SEPTIN2: variants seen among roughly 807,000 people sequenced by gnomAD.
SEPTIN2 encodes septin-2.
Under a neutral mutation model 46.5 loss-of-function variants are expected in SEPTIN2, and 34 were observed. The observed-to-expected ratio is 0.73, with a 90% CI of 0.56 to 0.97. The LOEUF is 0.97. Ranked by LOEUF, SEPTIN2 falls within the 50% of genes least tolerant of loss-of-function variation. The pLI is 0.00. For synonymous variants in SEPTIN2, 175 were observed against 153.4 expected, an observed-to-expected ratio of 1.14 and a Z score of -1.04; for missense variants, 347 against 448.4, an observed-to-expected ratio of 0.77 and a Z score of 2.04.
At chr2:241,331,138 C>G (rs1026622721) in intron 3 of SEPTIN2, among the ~76,000 whole-genome samples, 6 of 152,108 alleles carry the variant, frequency 3.9e-5, no homozygotes, top group Non-Finnish European at 7.3e-5. Context: ...GAGGTCATGC[C>G]ACTGCACTCC....
intron 3 of SEPTIN2, among the ~76,000 whole-genome samples, chr2:241,329,198 T>C (rs1400577835): frequency 1.3e-5 from 2 of 150,610 alleles, no homozygotes; most frequent in Non-Finnish European, 3.0e-5. Context: ...CGATCTTGGC[T>C]CACTGCAAGC....
intron 1 of SEPTIN2, among the ~76,000 whole-genome samples, chr2:241,322,129 G>T (rs541004304): frequency 9.7e-4 from 147 of 152,226 alleles, no homozygotes; most frequent in African/African-American, 3.4e-3. Flanking sequence ...CAGTATTCAG[G>T]AAGTTAAGAT....
At chr2:241,335,849 C>A (rs769497023) in intron 4 of SEPTIN2, 126 bp from the exon 5 acceptor site, 12 of 1,192,590 alleles carry the variant, frequency 1.0e-5, no homozygotes, top group African/African-American at 1.5e-5. Context: ...TCTTAATCCC[C>A]ATGGTATCTT....
intron 4 of SEPTIN2, chr2:241,335,589 A>G: frequency 1.7e-6 from 1 of 593,570 alleles, no homozygotes; most frequent in South Asian, 2.1e-5. Context: ...AGCACAGGAC[A>G]CCAGCATCCA....
intron 9 of SEPTIN2, among the ~76,000 whole-genome samples, chr2:241,344,560 A>G (rs1325387116): frequency 6.6e-6 from 1 of 151,756 alleles, no homozygotes; most frequent in Admixed American, 6.6e-5. Flanking sequence ...AAATTAGCCA[A>G]GCGTGGTGGT....
rs1575269544 is a variant in SEPTIN2 at position 241,335,465 on chromosome 2, C to A, written c.217+253C>A. ...GTAAAATGTAATAAGTAGTTTCTGC[C>A]TATATTAAATATTTGATGGAAGGAT... On this transcript the variant is annotated intron_variant, in intron 4 of 12. Transcript: ENST00000391971. 1.6e-5 allele frequency: 15 copies of A among 938,618 alleles called. No homozygotes were observed. In the East Asian group the frequency reaches 4.0e-4, roughly 25 times the overall value. 58.1% of individuals were successfully genotyped at this position (938,618 alleles called of 1,614,324 possible).
intron 3 of SEPTIN2, among the ~76,000 whole-genome samples, chr2:241,331,827 C>T (rs1218159775): frequency 1.3e-5 from 2 of 152,306 alleles, no homozygotes; most frequent in Admixed American, 6.5e-5. Context: ...CAAGACTTAA[C>T]AGCAGTAATC....
intron 10 of SEPTIN2, among the ~76,000 whole-genome samples, chr2:241,347,422 G>T (rs982949566): frequency 6.6e-6 from 1 of 152,194 alleles, no homozygotes; most frequent in East Asian, 1.9e-4. Flanking sequence ...CTGAGTAGGC[G>T]CTGGCCCTGA....
At chr2:241,331,730 G>T (rs2079043013) in intron 3 of SEPTIN2, among the ~76,000 whole-genome samples, 1 of 152,178 alleles carries the variant, frequency 6.6e-6, no homozygotes, top group African/African-American at 2.4e-5. Context: ...AGCTGATTCG[G>T]AAGTTTAAAT....
chr2:241,315,669 G>C (rs1030260074), upstream of SEPTIN2: 2 of 152,540 alleles, frequency 1.3e-5, no homozygotes, highest in African/African-American at 4.8e-5. Context: ...AAGAGGCTAC[G>C]CTTGACCTCC....
intron 3 of SEPTIN2, among the ~76,000 whole-genome samples, chr2:241,334,164 A>T (rs897516678): frequency 5.9e-5 from 9 of 152,144 alleles, no homozygotes; most frequent in Non-Finnish European, 1.2e-4. Context: ...GTGAGCCACT[A>T]TGCCCAGCCA....
intron 10 of SEPTIN2, 50 bp downstream of exon 10, chr2:241,346,299 T>G (rs199876566): frequency 6.3e-6 from 9 of 1,438,854 alleles, no homozygotes; most frequent in African/African-American, 1.4e-5. Context: ...TGAGCCACAA[T>G]GTTCCTCCTC....
intron 10 of SEPTIN2, among the ~76,000 whole-genome samples, chr2:241,347,312 T>C (rs1559668402): frequency 6.6e-6 from 1 of 152,232 alleles, no homozygotes; most frequent in Non-Finnish European, 1.5e-5. Flanking sequence ...GATGGATTTC[T>C]AGATACATAT....
In SEPTIN2 at chr2:241,353,463, T is replaced by C. The variant is rs2060922728; in HGVS notation, c.*1526T>C. On this transcript the variant is annotated 3_prime_UTR_variant, in exon 13 of 13. Transcript: ENST00000391971. The stretch of plus-strand genomic sequence containing the variant: ...CTTAATCTGAGGATGAGACAGGGTT[T>C]TTTCATTTTTGTGGGGGCTAGAAAA... The C allele has an allele frequency of 6.6e-6, 1 of 152,206 alleles. No individual in the cohort carries two copies. Among genetic ancestry groups the C allele is most frequent in the Non-Finnish European group, 1.5e-5 (1 of 68,038 alleles). The allele number at this position is 152,206 out of a possible 1,614,324, so 9.4% of individuals were successfully genotyped here.
At chr2:241,339,850 A>T (rs1250651725) in intron 7 of SEPTIN2, among the ~76,000 whole-genome samples, 1 of 152,084 alleles carries the variant, frequency 6.6e-6, no homozygotes, top group Non-Finnish European at 1.5e-5. Context: ...ACACTGCATA[A>T]AGTATTTCTC....
chr2:241,320,373 A>AT (rs1185570491), intron 1 of SEPTIN2: 2 of 453,750 alleles, frequency 4.4e-6, no homozygotes, highest in Non-Finnish European at 9.1e-6. Context: ...TACAGTGCCC[A>AT]TTTTTTCTGC....
At chr2:241,324,086 A>G (rs2077548671) in intron 1 of SEPTIN2, 130 bp from the exon 2 acceptor site, 1 of 788,158 alleles carries the variant, frequency 1.3e-6, no homozygotes, top group African/African-American at 1.8e-5. Context: ...CTGAAATTGT[A>G]TTTTCTTTTT....
intron 10 of SEPTIN2, 44 bp from the exon 11 acceptor site, chr2:241,348,090 C>CT (rs1197483241): frequency 6.8e-7 from 1 of 1,479,232 alleles, no homozygotes; most frequent in Admixed American, 1.9e-5. Flanking sequence ...TAGCAAATAA[C>CT]TATTTGTTGC....
At chr2:241,332,228 A>G (rs569392106) in intron 3 of SEPTIN2, among the ~76,000 whole-genome samples, 40 of 152,242 alleles carry the variant, frequency 2.6e-4, no homozygotes, top group Non-Finnish European at 5.4e-4. Context: ...AAAGACATCA[A>G]TAGGAAAATA....
Sources: allele counts gnomAD v4.1 joint callset (sites outside exome capture counted in the v4.1 genomes callset), GRCh38; gene constraint gnomAD v4.1.1; transcripts MANE v1.5; gene names NCBI Gene and HGNC (gene_info 2026-07-23, HGNC 2026-07-21).